The following ABHD8 variants were observed in gnomAD, a reference collection of about 807,000 sequenced individuals.
ABHD8 encodes protein ABHD8.
A neutral mutation model predicts 29.3 loss-of-function variants in ABHD8; 10 were observed. The observed-to-expected ratio is 0.34, with a 90% CI of 0.21 to 0.58. The LOEUF is 0.58. Ranked by LOEUF, ABHD8 falls within the 20% of genes least tolerant of loss-of-function variation. ABHD8 has a pLI of 0.85. For synonymous variants in ABHD8, 282 were observed against 274.6 expected, an observed-to-expected ratio of 1.03 and a Z score of -0.27; for missense variants, 556 against 615.3, an observed-to-expected ratio of 0.90 and a Z score of 1.02.
At chr19:17,300,105 C>T (rs377657065) in intron 2 of ABHD8, among the ~76,000 whole-genome samples, 1 of 151,288 alleles carries the variant, frequency 6.6e-6, no homozygotes, top group African/African-American at 2.4e-5. Context: ...AGGGTTTCAC[C>T]GTGTTAGCCA....
Position 17,301,038 on chromosome 19 carries a change from C to T in ABHD8, c.579G>A (p.Glu193=), listed in dbSNP as rs777114980. Residue 193 remains glutamate, a synonymous_variant, in exon 2 of 5, where the codon GAG becomes GAA. Transcript: ENST00000247706. ...GVGGSLAIWK[E]QLDFFVRLGY... ...CTAGGCGCACAAAGAAGTCCAGCTG[C>T]TCCTTCCAGATGGCCAGGGAACCGC... The T allele has an allele frequency of 2.2e-5, 35 of 1,613,412 alleles. No individual in the cohort carries two copies. The South Asian group carries it at 3.5e-4, about 16-fold the overall frequency.
In ABHD8 at chr19:17,301,011, G is replaced by T. The variant is rs1363632441; in HGVS notation, c.606C>A (p.Gly202=). 6 of 1,613,384 alleles carry T rather than the reference G, an allele frequency of 3.7e-6. No homozygotes were observed. The highest frequency in any genetic ancestry group is 5.1e-6 in the Non-Finnish European group (6 of 1,180,036). Residue 202 remains glycine (G), a synonymous_variant, in exon 2 of 5, where the codon GGC becomes GGA. Coordinates refer to ENST00000247706, the MANE Select transcript of ABHD8 (RefSeq NM_024527.5). ...CCAGGTCAGGAGCCACCACCTCATA[G>T]CCTAGGCGCACAAAGAAGTCCAGCT... ...KEQLDFFVRL[G]YEVVAPDLAG...
intron 4 of ABHD8, 87 bp downstream of exon 4, chr19:17,294,201 G>C: frequency 6.8e-7 from 1 of 1,463,188 alleles, no homozygotes; most frequent in Non-Finnish European, 9.1e-7. Flanking sequence ...CCCACCAAGC[G>C]CTACCACGCC....
At chr19:17,293,838 C>T (rs1404091785) in intron 4 of ABHD8, among the ~76,000 whole-genome samples, 1 of 151,980 alleles carries the variant, frequency 6.6e-6, no homozygotes, top group African/African-American at 2.4e-5. Context: ...CGATTATTGG[C>T]GTGAACCACC....
rs528470271 is a variant in ABHD8, at chr19:17,299,198, C to T, written c.761+1658G>A. On this transcript the variant is annotated intron_variant, in intron 2 of 4. Coordinates refer to ENST00000247706, the MANE Select transcript of ABHD8 (RefSeq NM_024527.5). ...GCCAAGGAGGGAGGATGGCTTGAGC[C>T]CAGGAGTTCAAGACCAGCCTGGGCA... Among the ~76,000 whole-genome samples, 42 of 151,288 alleles carry T rather than the reference C, an allele frequency of 2.8e-4. 1 individual carries two copies. In the East Asian group the frequency reaches 7.4e-3, roughly 27 times the overall value.
rs779607230 is a variant in ABHD8, at chr19:17,295,090, ATTTTTTTTTTTTT to A, written c.762-258_762-246del. On this transcript the variant is annotated intron_variant, in intron 2 of 4. Transcript: ENST00000247706. ...AGGCGCACACCACCACACCCAGGTAATTTTTTTTTTTTTTTTTTTTTTTTTTGAGACGGAGTCT... is the reference window on the plus strand; with the variant it reads ...AGGCGCACACCACCACACCCAGGTAATTTTTTTTTTTTTGAGACGGAGTCT... 6.2e-5 allele frequency among the ~76,000 whole-genome samples: 5 copies of A among 80,412 alleles called. 1 individual carries two copies. The highest frequency in any genetic ancestry group is 2.5e-4 in the African/African-American group (5 of 20,320). The allele number at this position is 80,412 out of a possible 152,430, so 52.8% of individuals were successfully genotyped here.
At chr19:17,302,248 T>C (rs2074123843) in intron 1 of ABHD8, 1 of 152,520 alleles carries the variant, frequency 6.6e-6, no homozygotes, top group African/African-American at 2.4e-5. Context: ...GAAGGGGACA[T>C]TGTGGCAAAT....
At chr19:17,299,452 T>G (rs949318339) in intron 2 of ABHD8, among the ~76,000 whole-genome samples, 1 of 148,256 alleles carries the variant, frequency 6.7e-6, no homozygotes, top group Admixed American at 6.9e-5. Context: ...TCCCAGCTAC[T>G]AGGGAGGCTG....
At chr19:17,301,675 G>A in intron 1 of ABHD8, 51 bp from the exon 2 acceptor site, 8 of 1,477,252 alleles carry the variant, frequency 5.4e-6, no homozygotes, top group Non-Finnish European at 7.1e-6. Flanking sequence ...TGAGAACCCT[G>A]CACCGTGCAG....
In ABHD8 at chr19:17,292,346, G is replaced by A. The variant is rs925508968; in HGVS notation, c.*315C>T. The A allele has an allele frequency of 4.7e-6, 2 of 422,342 alleles. No individual in the cohort carries two copies. Among genetic ancestry groups the A allele is most frequent in the Admixed American group, 8.8e-5 (2 of 22,776 alleles). 26.2% of individuals were successfully genotyped at this position (422,342 alleles called of 1,614,324 possible). On this transcript the variant is annotated 3_prime_UTR_variant, in exon 5 of 5. Transcript: ENST00000247706. ...GGCTGACACGGAAGACAGCGGGGTG[G>A]GGGGCCTGCCTTGGCCGTGGCGTTG... is the stretch of plus-strand genomic sequence containing the variant.
At chr19:17,301,776 TTGTGTGTGTGTG>T (rs10679164) in intron 1 of ABHD8, among the ~76,000 whole-genome samples, 152 bp from the exon 2 acceptor site, 47 of 147,450 alleles carry the variant, frequency 3.2e-4, no homozygotes, top group Non-Finnish European at 5.5e-4. Flanking sequence ...ATTTTTTTGT[TTGTGTGTGTGTG>T]TGTGTGTGTG....
At position 17,292,420 on chromosome 19, in the gene ABHD8, TC is replaced by T; in HGVS notation, c.*240del. On this transcript the variant is annotated 3_prime_UTR_variant, in exon 5 of 5. Transcript: ENST00000247706. ...TGTACAAGGTCATCTTCCGTGAGGG[TC>T]CCGGCTGCGGCCCCAAAACGCCGAT... 1.9e-6 allele frequency: 1 copy of T among 520,998 alleles called. No individual in the cohort carries two copies. The allele number at this position is 520,998 out of a possible 1,614,324, so 32.3% of individuals were successfully genotyped here. A position where few individuals can be genotyped will look rare whatever the true frequency, so the allele number is the denominator to read the frequency against.
rs1296548514 is a variant in ABHD8 at position 17,300,995 on chromosome 19, G to A, written c.622C>T (p.Pro208Ser). 2.5e-6 allele frequency: 4 copies of A among 1,613,486 alleles called. No homozygotes were observed. The highest frequency in any genetic ancestry group is 3.4e-6 in the Non-Finnish European group (4 of 1,180,020). The change falls in exon 2 of 5, where the codon CCT (proline) becomes TCT (serine). Residue 208 changes from proline to serine, a missense_variant. Physicochemically the swap from Pro to Ser is moderately conservative, Grantham distance 74. Transcript: ENST00000247706. Reference sequence around the variant, plus strand: ...CTGGCCCCGTGGCCGGCCAGGTCAGGAGCCACCACCTCATAGCCTAGGCGC... The same window carrying A: ...CTGGCCCCGTGGCCGGCCAGGTCAGAAGCCACCACCTCATAGCCTAGGCGC... ...FVRLGYEVVA[P>S]DLAGHGASSA...
chr19:17,299,908 T>A (rs1415746644), intron 2 of ABHD8, among the ~76,000 whole-genome samples: 3 of 150,210 alleles, frequency 2.0e-5, no homozygotes, highest in African/African-American at 7.4e-5. Context: ...TGGCCCCTTT[T>A]TTTTTTTTCA....
chr19:17,297,314 G>A (rs1371560302), intron 2 of ABHD8, among the ~76,000 whole-genome samples: 4 of 151,418 alleles, frequency 2.6e-5, no homozygotes, highest in Non-Finnish European at 5.9e-5. Flanking sequence ...TTTTTTTCTC[G>A]AGACAGAGTC....
chr19:17,301,483 C>T lies in ABHD8; in HGVS notation c.134G>A (p.Arg45Gln). The T allele has an allele frequency of 1.2e-6, 2 of 1,611,658 alleles. No individual in the cohort carries two copies. The highest frequency in any genetic ancestry group is 1.7e-6 in the Non-Finnish European group (2 of 1,179,714). Residue 45 changes from arginine (R) to glutamine (Q), a missense_variant, in exon 2 of 5, where the codon CGG becomes CAG. Physicochemically the swap from Arg to Gln is conservative, Grantham distance 43. Coordinates refer to ENST00000247706, the MANE Select transcript of ABHD8 (RefSeq NM_024527.5). Reference protein sequence around the residue: ...FVEVKPGRVLRVKHAGPAPAA... With the variant: ...FVEVKPGRVLQVKHAGPAPAA... ...TGGGGCGGGTCCTGCATGCTTCACC[C>T]GCAGCACGCGGCCGGGCTTGACCTC...
intron 4 of ABHD8, 133 bp from the exon 5 acceptor site, chr19:17,292,964 C>G (rs576136583): frequency 1.0e-6 from 1 of 990,018 alleles, no homozygotes; most frequent in African/African-American, 1.7e-5. Flanking sequence ...CTGCATCTCT[C>G]CACTTCCACT....
At position 17,292,190 on chromosome 19, in the gene ABHD8, AGCCCCC is replaced by A; in HGVS notation, c.*465_*470del. ...TGAGATGTGCAGGTTCGGTGGCGCCAGCCCCCCCATCCCCCCCCCTTGGGCAAAAAT... is the reference window on the plus strand; with the variant it reads ...TGAGATGTGCAGGTTCGGTGGCGCCACCATCCCCCCCCCTTGGGCAAAAAT... On this transcript the variant is annotated 3_prime_UTR_variant, in exon 5 of 5. Coordinates refer to ENST00000247706, the MANE Select transcript of ABHD8 (RefSeq NM_024527.5). 1 of 183,028 alleles carries A rather than the reference AGCCCCC, an allele frequency of 5.5e-6. No homozygotes were observed. The highest frequency in any genetic ancestry group is 1.8e-4 in the South Asian group (1 of 5,562). 11.3% of individuals were successfully genotyped at this position (183,028 alleles called of 1,614,324 possible). A position where few individuals can be genotyped will look rare whatever the true frequency, so the allele number is the denominator to read the frequency against.
intron 2 of ABHD8, among the ~76,000 whole-genome samples, chr19:17,295,345 G>T (rs568229845): frequency 6.6e-6 from 1 of 152,174 alleles, no homozygotes; most frequent in Admixed American, 6.6e-5. Flanking sequence ...GACCTCAAGT[G>T]ATCCATCCGC....
Sources: gnomAD v4.1 joint callset for allele counts (sites outside exome capture counted in the v4.1 genomes callset) on GRCh38, gnomAD v4.1.1 for gene constraint, MANE v1.5 for transcripts, NCBI Gene and HGNC (gene_info 2026-07-23, HGNC 2026-07-21) for gene names.